The following ONECUT3 variants were observed in gnomAD, a reference collection of about 807,000 sequenced individuals.
The protein encoded by ONECUT3 is one cut domain family member 3.
Under a neutral mutation model 16.8 loss-of-function variants are expected in ONECUT3, and 11 were observed. The observed-to-expected ratio is 0.66, with a 90% CI of 0.41 to 1.09. The LOEUF is 1.09. Among genes scored for constraint, ONECUT3 ranks in the 50% least tolerant of loss-of-function variants. The pLI, the probability that ONECUT3 is intolerant of heterozygous loss-of-function variation, is 0.00. For synonymous variants in ONECUT3, 344 were observed against 310.7 expected (o/e 1.11, Z -1.13); for missense variants, 637 against 629.9 (o/e 1.01, Z -0.12).
In ONECUT3 at chr19:1,764,832, GC is replaced by G. The variant is rs2067970933; in HGVS notation, c.1192+9979del. On this transcript the variant is annotated intron_variant, in intron 1 of 1. Coordinates refer to ENST00000382349, the MANE Select transcript of ONECUT3 (RefSeq NM_001080488.2). This position sits in a 1 kb window ranked among gnomAD's most constrained non-coding sequence, Gnocchi z 5.0. ...GATGCGCAGGGGGGACAAGACACCAGCATGGGGGTGGGGGGCATCAGTACAA... is the reference window on the plus strand; with the variant it reads ...GATGCGCAGGGGGGACAAGACACCAGATGGGGGTGGGGGGCATCAGTACAA... Among the ~76,000 whole-genome samples, 1 of 144,644 alleles carries G rather than the reference GC, an allele frequency of 6.9e-6. No homozygotes were observed. Among genetic ancestry groups the G allele is most frequent in the East Asian group, 2.2e-4 (1 of 4,540 alleles). 94.9% of individuals were successfully genotyped at this position (144,644 alleles called of 152,430 possible). A position where few individuals can be genotyped will look rare whatever the true frequency, so the allele number is the denominator to read the frequency against.
rs1228074686 is a variant in ONECUT3 at position 1,758,335 on chromosome 19, GAC to G, written c.1192+3483_1192+3484del. On this transcript the variant is annotated intron_variant, in intron 1 of 1. Transcript: ENST00000382349. This position sits in a 1 kb window ranked among gnomAD's most constrained non-coding sequence, Gnocchi z 5.9. ...AAAAAAAGAGAGAGAGAGAGAGAGAGACAGAGATGGGAGAGGAACTCTGGGTG... is the reference window on the plus strand; with the variant it reads ...AAAAAAAGAGAGAGAGAGAGAGAGAGAGAGATGGGAGAGGAACTCTGGGTG... Among the ~76,000 whole-genome samples the G allele has an allele frequency of 0.033, 4,635 of 142,308 alleles. 171 individuals carry two copies. The highest frequency in any genetic ancestry group is 0.099 in the African/African-American group (3,506 of 35,354). 93.4% of individuals were successfully genotyped at this position (142,308 alleles called of 152,430 possible). A position where few individuals can be genotyped will look rare whatever the true frequency, so the allele number is the denominator to read the frequency against.
intron 1 of ONECUT3, among the ~76,000 whole-genome samples, chr19:1,769,717 TG>T (rs984075948): frequency 2.6e-5 from 4 of 151,824 alleles, no homozygotes; most frequent in Non-Finnish European, 4.4e-5. Flanking sequence ...CTGTGGGGGA[TG>T]GGAGCAATGA....
At position 1,775,403 on chromosome 19, in the gene ONECUT3, C is replaced by A; in HGVS notation, c.1443C>A (p.Pro481=). The A allele has an allele frequency of 6.7e-7, 1 of 1,496,052 alleles. No individual in the cohort carries two copies. The highest frequency in any genetic ancestry group is 8.9e-7 in the Non-Finnish European group (1 of 1,120,802). The allele number at this position is 1,496,052 out of a possible 1,614,324, so 92.7% of individuals were successfully genotyped here. ...NRWAEEPSTA[P]GGPAGATATF... ...GGGCTGAGGAGCCCAGCACGGCCCC[C>A]GGGGGCCCCGCCGGCGCCACGGCCA... Residue 481 remains proline, a synonymous_variant, in exon 2 of 2, where the codon CCC becomes CCA. Transcript: ENST00000382349.
intron 1 of ONECUT3, among the ~76,000 whole-genome samples, chr19:1,760,039 G>A (rs2145958636): frequency 6.6e-6 from 1 of 152,364 alleles, no homozygotes; most frequent in Non-Finnish European, 1.5e-5. Flanking sequence ...CAGAGGGGGA[G>A]GGAGATGGGG....
In ONECUT3 at chr19:1,754,715, C is replaced by A; in HGVS notation, c.1053C>A (p.Arg351=). 1 of 1,546,326 alleles carries A rather than the reference C, an allele frequency of 6.5e-7. No homozygotes were observed. The highest frequency in any genetic ancestry group is 8.7e-7 in the Non-Finnish European group (1 of 1,148,126). ...TCTTCGCGCAGCGGATCCTGTGTCG[C>A]TCTCAGGGCACGCTCTCCGACCTGC... ...QAIFAQRILC[R]SQGTLSDLLR... Residue 351 remains arginine, a synonymous_variant, in exon 1 of 2, where the codon CGC becomes CGA. Transcript: ENST00000382349. This position sits in a 1 kb window ranked among gnomAD's most constrained non-coding sequence, Gnocchi z 7.4.
At chr19:1,767,543 C>T (rs1379824408) in intron 1 of ONECUT3, among the ~76,000 whole-genome samples, 1 of 152,186 alleles carries the variant, frequency 6.6e-6, no homozygotes. Flanking sequence ...GGTCTCCCCC[C>T]AGTCCAGCCC....
Position 1,778,865 on chromosome 19 carries a change from ATCACAC to A in ONECUT3, c.*3421_*3426del, listed in dbSNP as rs1266947956. The A allele has an allele frequency of 1.1e-5, 1 of 92,112 alleles. No homozygotes were observed. The highest frequency in any genetic ancestry group is 2.1e-5 in the Non-Finnish European group (1 of 46,864). 5.7% of individuals were successfully genotyped at this position (92,112 alleles called of 1,614,324 possible). A position where few individuals can be genotyped will look rare whatever the true frequency, so the allele number is the denominator to read the frequency against. ...CTGGATCCTTTTCAGATATCTTCGT[ATCACAC>A]ACACACACACACACACACACACACA... is the stretch of plus-strand genomic sequence containing the variant. On this transcript the variant is annotated 3_prime_UTR_variant, in exon 2 of 2. Transcript: ENST00000382349.
intron 1 of ONECUT3, among the ~76,000 whole-genome samples, chr19:1,761,524 G>A (rs1046917887): frequency 1.3e-5 from 2 of 152,252 alleles, no homozygotes; most frequent in Non-Finnish European, 2.9e-5. Flanking sequence ...CTGCGTGGAT[G>A]TGGGAGGGGA....
chr19:1,767,349 T>G (rs2068001538), intron 1 of ONECUT3, among the ~76,000 whole-genome samples: 1 of 151,936 alleles, frequency 6.6e-6, no homozygotes, highest in South Asian at 2.1e-4. Context: ...TTGGGGAAAC[T>G]GAGGCTAAGA....
rs1199842400 is a variant in ONECUT3 at position 1,779,410 on chromosome 19, C to CGA, written c.*3967_*3968dup. 2 of 149,560 alleles carry CGA rather than the reference C, an allele frequency of 1.3e-5. No individual in the cohort carries two copies. Among genetic ancestry groups the CGA allele is most frequent in the African/African-American group, 5.0e-5 (2 of 40,310 alleles). 9.3% of individuals were successfully genotyped at this position (149,560 alleles called of 1,614,324 possible). A position where few individuals can be genotyped will look rare whatever the true frequency, so the allele number is the denominator to read the frequency against. On this transcript the variant is annotated 3_prime_UTR_variant, in exon 2 of 2. Coordinates refer to ENST00000382349, the MANE Select transcript of ONECUT3 (RefSeq NM_001080488.2). Reference sequence around the variant, plus strand: ...GAAAGAAAGGAAGAGAGAGAGAGAGCGAGCGCAAGAGAGAGAGAGAGGGAG... The same window carrying CGA: ...GAAAGAAAGGAAGAGAGAGAGAGAGCGAGAGCGCAAGAGAGAGAGAGAGGGAG...
In ONECUT3 at chr19:1,772,506, C is replaced by T. The variant is rs10412415; in HGVS notation, c.1193-2647C>T. ...CACCTGACCACATTTAAACTGGAAA[C>T]TCATCTTTCAACGCTAGATTTTTTT... On this transcript the variant is annotated intron_variant, in intron 1 of 1. Coordinates refer to ENST00000382349, the MANE Select transcript of ONECUT3 (RefSeq NM_001080488.2). 3.5e-3 allele frequency among the ~76,000 whole-genome samples: 528 copies of T among 151,630 alleles called. 6 individuals are homozygous for T. The highest frequency in any genetic ancestry group is 0.012 in the African/African-American group (498 of 41,336).
At position 1,764,662 on chromosome 19, in the gene ONECUT3, A is replaced by G. The variant is rs780404428; in HGVS notation, c.1192+9808A>G. 2.0e-5 allele frequency among the ~76,000 whole-genome samples: 3 copies of G among 152,064 alleles called. No homozygotes were observed. The highest frequency in any genetic ancestry group is 4.4e-5 in the Non-Finnish European group (3 of 67,990). ...GAGAAGGTTCCACTGCCTCCCACCC[A>G]TGGGAATCAATTTTCCAGCTCCCCG... On this transcript the variant is annotated intron_variant, in intron 1 of 1. Coordinates refer to ENST00000382349, the MANE Select transcript of ONECUT3 (RefSeq NM_001080488.2). The surrounding 1 kb of genome is among the most constrained non-coding windows in gnomAD (Gnocchi z 5.0).
In ONECUT3 at chr19:1,754,008, C is replaced by A; in HGVS notation, c.346C>A (p.Pro116Thr). 8.1e-6 allele frequency: 8 copies of A among 993,698 alleles called. No homozygotes were observed. Among genetic ancestry groups the A allele is most frequent in the Non-Finnish European group, 9.6e-6 (8 of 836,756 alleles). 61.6% of individuals were successfully genotyped at this position (993,698 alleles called of 1,614,324 possible). ...TTLTPLQHLPPLAAVADKFHQ... is the reference protein window; with the variant it reads ...TTLTPLQHLPTLAAVADKFHQ... ...GCTCACGCCCCTGCAGCACCTGCCG[C>A]CGCTCGCGGCCGTGGCCGACAAGTT... Residue 116 changes from proline (P) to threonine (T), a missense_variant, in exon 1 of 2, where the codon CCG (proline) becomes ACG (threonine). By Grantham distance (38) the Pro-to-Thr change is conservative. Transcript: ENST00000382349. This position sits in a 1 kb window ranked among gnomAD's most constrained non-coding sequence, Gnocchi z 7.4.
At position 1,754,352 on chromosome 19, in the gene ONECUT3, G is replaced by T. The variant is rs1271716361; in HGVS notation, c.690G>T (p.Pro230=). 1.8e-6 allele frequency: 2 copies of T among 1,082,626 alleles called. No homozygotes were observed. Among genetic ancestry groups the T allele is most frequent in the African/African-American group, 1.7e-5 (1 of 58,202 alleles). 67.1% of individuals were successfully genotyped at this position (1,082,626 alleles called of 1,614,324 possible). ...PPPPPLAAYG[P]PGHLAGDKLL... The stretch of plus-strand genomic sequence containing the variant: ...CCCCGCCGCTGGCCGCCTACGGCCC[G>T]CCAGGCCACCTGGCTGGGGACAAGC... Residue 230 remains proline, a synonymous_variant, in exon 1 of 2, where the codon CCG becomes CCT. Transcript: ENST00000382349. The surrounding 1 kb of genome is among the most constrained non-coding windows in gnomAD (Gnocchi z 7.4).
chr19:1,775,147 C>T lies in ONECUT3; in HGVS notation c.1193-6C>T. ...GCTCGCCCGCCCGCCCGCCGCTCGC[C>T]CGCAGCCTGCAAGCGCAAGGAACAG... is the stretch of plus-strand genomic sequence containing the variant. On this transcript the variant is annotated splice_region_variant and splice_polypyrimidine_tract_variant and intron_variant, in intron 1 of 1. Coordinates refer to ENST00000382349, the MANE Select transcript of ONECUT3 (RefSeq NM_001080488.2). 7.0e-7 allele frequency: 1 copy of T among 1,432,056 alleles called. No individual in the cohort carries two copies. The highest frequency in any genetic ancestry group is 9.3e-7 in the Non-Finnish European group (1 of 1,073,124). The allele number at this position is 1,432,056 out of a possible 1,614,324, so 88.7% of individuals were successfully genotyped here. A position where few individuals can be genotyped will look rare whatever the true frequency, so the allele number is the denominator to read the frequency against.
chr19:1,771,376 T>C, intron 1 of ONECUT3, among the ~76,000 whole-genome samples: 1 of 152,240 alleles, frequency 6.6e-6, no homozygotes, highest in East Asian at 1.9e-4. Context: ...AGAAAGGGTA[T>C]GTGGGAAGTT....
Position 1,776,228 on chromosome 19 carries a change from C to A in ONECUT3, c.*783C>A, listed in dbSNP as rs1399459477. On this transcript the variant is annotated 3_prime_UTR_variant, in exon 2 of 2. Coordinates refer to ENST00000382349, the MANE Select transcript of ONECUT3 (RefSeq NM_001080488.2). This position sits in a 1 kb window ranked among gnomAD's most constrained non-coding sequence, Gnocchi z 4.9. ...CCCACGTGCGGGTAAATTCCAGACGCCCCCGCCCCGCCCCGTCTGTTGAGT... is the reference window on the plus strand; with the variant it reads ...CCCACGTGCGGGTAAATTCCAGACGACCCCGCCCCGCCCCGTCTGTTGAGT... 2.0e-5 allele frequency: 3 copies of A among 152,482 alleles called. No homozygotes were observed. The highest frequency in any genetic ancestry group is 7.2e-5 in the African/African-American group (3 of 41,586). 9.4% of individuals were successfully genotyped at this position (152,482 alleles called of 1,614,324 possible).
Position 1,775,559 on chromosome 19 carries a change from G to T in ONECUT3, c.*114G>T, listed in dbSNP as rs1029261663. 1.8e-6 allele frequency: 2 copies of T among 1,089,536 alleles called. No homozygotes were observed. The highest frequency in any genetic ancestry group is 2.5e-6 in the Non-Finnish European group (2 of 807,916). The allele number at this position is 1,089,536 out of a possible 1,614,324, so 67.5% of individuals were successfully genotyped here. ...CGCCCCCAGGGGGCACCTGGAGGGG[G>T]TGCTATCCGGGCCCCCCACACCCGG... On this transcript the variant is annotated 3_prime_UTR_variant, in exon 2 of 2. Transcript: ENST00000382349.
rs967719920 is a variant in ONECUT3, at chr19:1,779,097, C to T, written c.*3652C>T. 4 of 152,068 alleles carry T rather than the reference C, an allele frequency of 2.6e-5. No individual in the cohort carries two copies. The highest frequency in any genetic ancestry group is 7.2e-5 in the African/African-American group (3 of 41,390). 9.4% of individuals were successfully genotyped at this position (152,068 alleles called of 1,614,324 possible). ...ACACCTCCAGCACAATTCCTTCGAGCCTTTGACAATTTTCTCTGAAATACC... is the reference window on the plus strand; with the variant it reads ...ACACCTCCAGCACAATTCCTTCGAGTCTTTGACAATTTTCTCTGAAATACC... On this transcript the variant is annotated 3_prime_UTR_variant, in exon 2 of 2. Coordinates refer to ENST00000382349, the MANE Select transcript of ONECUT3 (RefSeq NM_001080488.2).
Sources: allele counts gnomAD v4.1 joint callset (sites outside exome capture counted in the v4.1 genomes callset), GRCh38; gene constraint gnomAD v4.1.1; non-coding constraint Gnocchi (gnomAD v3.1); transcripts MANE v1.5; gene names NCBI Gene and HGNC (gene_info 2026-07-23, HGNC 2026-07-21).